EPHA6: variants seen among roughly 807,000 people sequenced by gnomAD.
The protein encoded by EPHA6 is ephrin type-A receptor 6.
Under a neutral mutation model 112.0 loss-of-function variants are expected in EPHA6, and 50 were observed. That is an observed-to-expected ratio of 0.45 (90% CI 0.36 to 0.56). EPHA6 has a LOEUF of 0.56. EPHA6 is among the 20% of genes least tolerant of loss of function. The pLI is 0.00. For missense variants in EPHA6, 1,280 were observed against 1,417.4 expected (o/e 0.90, Z 1.56); for synonymous variants, 529 against 490.7 (o/e 1.08, Z -1.03).
chr3:97,120,780 C>A (rs2048019412), intron 3 of EPHA6, among the ~76,000 whole-genome samples: 1 of 151,798 alleles, frequency 6.6e-6, no homozygotes, highest in Non-Finnish European at 1.5e-5. Context: ...GAGTGTGTTT[C>A]TTTCCCTTGA....
At chr3:97,247,870 A>T (rs905778268) in intron 5 of EPHA6, among the ~76,000 whole-genome samples, 2 of 151,998 alleles carry the variant, frequency 1.3e-5, no homozygotes, top group Non-Finnish European at 2.9e-5. Flanking sequence ...AAAATATTAG[A>T]GACCAAAAAA....
At chr3:97,234,314 A>G (rs2078618743) in intron 4 of EPHA6, among the ~76,000 whole-genome samples, 1 of 152,090 alleles carries the variant, frequency 6.6e-6, no homozygotes, top group South Asian at 2.1e-4. Context: ...AATTTATATT[A>G]TCAAAAAAAA....
chr3:97,521,497 G>T (rs2092542222), intron 10 of EPHA6, among the ~76,000 whole-genome samples: 3 of 152,070 alleles, frequency 2.0e-5, no homozygotes, highest in Non-Finnish European at 4.4e-5. Context: ...GCAGGACAGA[G>T]AATAATGAGA....
chr3:97,104,762 T>C (rs531539837), intron 3 of EPHA6, among the ~76,000 whole-genome samples: 1 of 152,254 alleles, frequency 6.6e-6, no homozygotes, highest in African/African-American at 2.4e-5. Context: ...GCTGTGAATC[T>C]GTTTGGTCTT....
intron 13 of EPHA6, 54 bp from the exon 14 acceptor site, chr3:97,637,819 A>G (rs1257506125): frequency 7.6e-7 from 1 of 1,307,516 alleles, no homozygotes; most frequent in Non-Finnish European, 1.1e-6. Context: ...TAATACACAC[A>G]CGCACACACT....
At chr3:97,058,727 C>G (rs2045929222) in intron 3 of EPHA6, among the ~76,000 whole-genome samples, 2 of 152,132 alleles carry the variant, frequency 1.3e-5, no homozygotes. Context: ...CACTTTTTGC[C>G]TACAACTGGA....
intron 3 of EPHA6, among the ~76,000 whole-genome samples, chr3:97,184,588 T>C (rs1483520359): frequency 6.6e-6 from 1 of 152,118 alleles, no homozygotes; most frequent in African/African-American, 2.4e-5. Context: ...TGGAAGAACA[T>C]TCCATGCTCA....
chr3:96,927,002 G>C (rs1458180224), intron 2 of EPHA6, among the ~76,000 whole-genome samples: 1 of 152,180 alleles, frequency 6.6e-6, no homozygotes, highest in South Asian at 2.1e-4. Context: ...CTCCATGAAG[G>C]CTCAGCCCCT....
At chr3:97,428,556 T>C (rs911464942) in intron 6 of EPHA6, among the ~76,000 whole-genome samples, 1 of 152,222 alleles carries the variant, frequency 6.6e-6, no homozygotes, top group East Asian at 1.9e-4. Flanking sequence ...TTCTAGAGTT[T>C]CACAGATCAC....
chr3:97,686,893 A>T (rs2032289962), intron 14 of EPHA6, among the ~76,000 whole-genome samples: 1 of 152,162 alleles, frequency 6.6e-6, no homozygotes, highest in Non-Finnish European at 1.5e-5. Context: ...TAGGGTATAC[A>T]TTGTTTACCA....
At chr3:96,985,446 T>G (rs1050626055) in intron 2 of EPHA6, among the ~76,000 whole-genome samples, 2 of 152,120 alleles carry the variant, frequency 1.3e-5, no homozygotes, top group African/African-American at 4.8e-5. Flanking sequence ...ACAGTTATAT[T>G]TAGAATGATT....
At chr3:97,096,273 A>ACC (rs949979605) in intron 3 of EPHA6, among the ~76,000 whole-genome samples, 1 of 139,996 alleles carries the variant, frequency 7.1e-6, no homozygotes, top group African/African-American at 3.0e-5. Context: ...ACACATACAC[A>ACC]CCCACACACA....
At chr3:96,825,227 A>G (rs2107241062) in intron 1 of EPHA6, among the ~76,000 whole-genome samples, 1 of 151,932 alleles carries the variant, frequency 6.6e-6, no homozygotes, top group East Asian at 1.9e-4. Context: ...ATAATGTTAG[A>G]TTGAGCATAG....
At chr3:97,562,933 G>T (rs1000607784) in intron 11 of EPHA6, among the ~76,000 whole-genome samples, 1 of 152,112 alleles carries the variant, frequency 6.6e-6, no homozygotes, top group African/African-American at 2.4e-5. Context: ...TAGCAATAAA[G>T]TGTTTTTAAT....
chr3:96,988,983 G>A (rs9869732), intron 3 of EPHA6, among the ~76,000 whole-genome samples: 24,502 of 151,764 alleles, frequency 0.16, 2,328 homozygotes, highest in Non-Finnish European at 0.22. Flanking sequence ...ATTAGATTTA[G>A]GACTCATAAT....
intron 2 of EPHA6, among the ~76,000 whole-genome samples, chr3:96,913,186 ACACACACACACACACACACACACACAC>A (rs1451676220): frequency 5.6e-5 from 8 of 143,868 alleles, no homozygotes; most frequent in African/African-American, 1.8e-4. Flanking sequence ...ACACACACAC[ACACACACACACACACACACACACACAC>A]CACACACACG....
chr3:97,578,422 T>A (rs138534865), intron 11 of EPHA6, among the ~76,000 whole-genome samples: 10 of 152,352 alleles, frequency 6.6e-5, no homozygotes, highest in African/African-American at 2.4e-4. Flanking sequence ...AAACACTACT[T>A]CCATTTCCAC....
intron 1 of EPHA6, among the ~76,000 whole-genome samples, chr3:96,849,489 AT>A (rs1409632330): frequency 6.6e-6 from 1 of 152,096 alleles, no homozygotes; most frequent in African/African-American, 2.4e-5. Flanking sequence ...TGCTGTGTTA[AT>A]TTTTTATAGT....
chr3:97,004,236 T>C (rs1214340517), intron 3 of EPHA6, among the ~76,000 whole-genome samples: 2 of 152,208 alleles, frequency 1.3e-5, no homozygotes, highest in Non-Finnish European at 2.9e-5. Flanking sequence ...TCCATAATGG[T>C]TGAACTAATT....
Sources: gnomAD v4.1 joint callset for allele counts (sites outside exome capture counted in the v4.1 genomes callset) on GRCh38, gnomAD v4.1.1 for gene constraint, MANE v1.5 for transcripts, NCBI Gene and HGNC (gene_info 2026-07-23, HGNC 2026-07-21) for gene names.